ADAM22: variants seen among roughly 807,000 people sequenced by gnomAD.
ADAM22 encodes ADAM metallopeptidase domain 22.
ADAM22 carries 65 observed loss-of-function variants against 144.6 expected under a neutral mutation model. The observed-to-expected ratio is 0.45, with a 90% CI of 0.37 to 0.55. The LOEUF (loss-of-function observed/expected upper bound fraction) is 0.55, where lower values mean the gene tolerates loss of function less well. Among genes scored for constraint, ADAM22 ranks in the 20% least tolerant of loss-of-function variants. The pLI, the probability that ADAM22 is intolerant of heterozygous loss-of-function variation, is 0.00. For synonymous variants in ADAM22, 391 were observed against 412.6 expected (o/e 0.95, Z 0.63); for missense variants, 974 against 1,184.9 (o/e 0.82, Z 2.61).
chr7:88,042,230 TAAGA>T (rs1803329595), intron 3 of ADAM22, among the ~76,000 whole-genome samples: 1 of 152,064 alleles, frequency 6.6e-6, no homozygotes, highest in East Asian at 1.9e-4. Flanking sequence ...TAGTAGGCCA[TAAGA>T]AAGATTCAAG....
intron 23 of ADAM22, among the ~76,000 whole-genome samples, chr7:88,163,954 A>T (rs1842366595): frequency 1.3e-5 from 2 of 152,094 alleles, no homozygotes; most frequent in South Asian, 4.1e-4. Context: ...TCCAGTTAAG[A>T]TAAAGGATCC....
chr7:88,025,720 G>T (rs1470268637), intron 3 of ADAM22, among the ~76,000 whole-genome samples: 1 of 152,010 alleles, frequency 6.6e-6, no homozygotes, highest in East Asian at 1.9e-4. Flanking sequence ...TTTTACATTG[G>T]TCTATTTGTC....
At chr7:88,014,381 T>G (rs1796099906) in intron 3 of ADAM22, among the ~76,000 whole-genome samples, 1 of 152,222 alleles carries the variant, frequency 6.6e-6, no homozygotes, top group Non-Finnish European at 1.5e-5. Context: ...TTTCATATTT[T>G]ATTGCACCAT....
At chr7:88,130,569 C>T (rs1294611658) in intron 10 of ADAM22, 110 bp downstream of exon 10, 1 of 1,045,522 alleles carries the variant, frequency 9.6e-7, no homozygotes, top group Non-Finnish European at 1.4e-6. Context: ...TGCACTTCAG[C>T]CAAGGTGTCT....
At chr7:88,193,529 A>G (rs1289097136) in intron 31 of ADAM22, among the ~76,000 whole-genome samples, 1 of 152,202 alleles carries the variant, frequency 6.6e-6, no homozygotes, top group Non-Finnish European at 1.5e-5. Flanking sequence ...GTATTTTGCT[A>G]TATCACCTTT....
intron 2 of ADAM22, among the ~76,000 whole-genome samples, chr7:87,949,193 G>A (rs1383914424): frequency 1.3e-5 from 2 of 152,122 alleles, no homozygotes; most frequent in African/African-American, 2.4e-5. Context: ...TGGTATGGCC[G>A]GGCTCTCAAG....
At position 88,111,469 on chromosome 7, in the gene ADAM22, A is replaced by T. The variant is rs12668809; in HGVS notation, c.474-3115A>T. 5.5e-3 allele frequency among the ~76,000 whole-genome samples: 842 copies of T among 152,220 alleles called. 10 individuals carry two copies. The highest frequency in any genetic ancestry group is 0.037 in the East Asian group (191 of 5,176). ...TCCCATAAAGAACCTGCAAGGTCAC[A>T]TTTGTTTGGAGTCAAAGGACTAATA... On this transcript the variant is annotated intron_variant, in intron 5 of 31. Coordinates refer to ENST00000413139, the MANE Select transcript of ADAM22 (RefSeq NM_001324418.2).
At chr7:88,174,354 G>A (rs1845106699) in intron 26 of ADAM22, among the ~76,000 whole-genome samples, 1 of 152,112 alleles carries the variant, frequency 6.6e-6, no homozygotes, top group Non-Finnish European at 1.5e-5. Context: ...CCACATATGT[G>A]CAGCATCACT....
At chr7:87,941,487 G>A (rs1379974037) in intron 2 of ADAM22, among the ~76,000 whole-genome samples, 1 of 152,048 alleles carries the variant, frequency 6.6e-6, no homozygotes, top group African/African-American at 2.4e-5. Context: ...AGTATTTTGC[G>A]AGGGTAGCAC....
At position 88,200,312 on chromosome 7, in the gene ADAM22, A is replaced by T. The variant is rs1302502453; in HGVS notation, c.*3821A>T. The T allele has an allele frequency of 6.6e-6, 1 of 152,206 alleles. No individual in the cohort carries two copies. The highest frequency in any genetic ancestry group is 2.4e-5 in the African/African-American group (1 of 41,452). 9.4% of individuals were successfully genotyped at this position (152,206 alleles called of 1,614,324 possible). ...TAAATTCTTATCTAAAGAAAAGATT[A>T]TTTTACTTTATTTTACTTAAAGGAA... is the stretch of plus-strand genomic sequence containing the variant. On this transcript the variant is annotated 3_prime_UTR_variant, in exon 32 of 32. Transcript: ENST00000413139.
intron 4 of ADAM22, among the ~76,000 whole-genome samples, chr7:88,088,277 T>A (rs1377128481): frequency 6.6e-6 from 1 of 152,204 alleles, no homozygotes; most frequent in Admixed American, 6.6e-5. Flanking sequence ...AATAGTTTTC[T>A]GCTTCTGTTC....
intron 15 of ADAM22, 138 bp downstream of exon 15, chr7:88,143,263 A>G (rs937291642): frequency 2.2e-5 from 11 of 501,112 alleles, no homozygotes; most frequent in South Asian, 1.5e-4. Flanking sequence ...TATGCTATAT[A>G]TCTGCATATT....
intron 3 of ADAM22, among the ~76,000 whole-genome samples, chr7:88,063,118 C>T (rs550841426): frequency 2.2e-4 from 33 of 152,124 alleles, no homozygotes; most frequent in African/African-American, 8.0e-4. Context: ...TGCTTGGTGC[C>T]GGATTGTTAC....
At chr7:87,967,807 C>CAAA (rs35787636) in intron 2 of ADAM22, among the ~76,000 whole-genome samples, 28,275 of 60,742 alleles carry the variant, frequency 0.47, 7,444 homozygotes, top group Non-Finnish European at 0.55. Context: ...GACTCTGTCT[C>CAAA]AAAAAAAAAA....
chr7:88,068,802 T>C (rs917431337), intron 3 of ADAM22, among the ~76,000 whole-genome samples: 1 of 152,098 alleles, frequency 6.6e-6, no homozygotes, highest in Non-Finnish European at 1.5e-5. Context: ...CTCCTCCACA[T>C]GGTCTTTTTA....
chr7:87,944,816 G>GTTTTTTTTTTTTTTTTTTTTTTTT (rs11311070), intron 2 of ADAM22, among the ~76,000 whole-genome samples: 2 of 127,024 alleles, frequency 1.6e-5, no homozygotes, highest in African/African-American at 2.9e-5. Context: ...GGAAACTTGT[G>GTTTTTTTTTTTTTTTTTTTTTTTT]TTTTTTTTTT....
intron 4 of ADAM22, among the ~76,000 whole-genome samples, chr7:88,091,949 C>T (rs1819974881): frequency 6.6e-6 from 1 of 151,818 alleles, no homozygotes. Context: ...CTAAAGACTC[C>T]CCCACCCCCC....
At chr7:88,065,060 A>G (rs950784556) in intron 3 of ADAM22, among the ~76,000 whole-genome samples, 4 of 152,130 alleles carry the variant, frequency 2.6e-5, no homozygotes, top group Non-Finnish European at 5.9e-5. Flanking sequence ...TTTTCTTGAG[A>G]AATTTTGTGA....
chr7:88,156,578 A>T (rs562674267), intron 22 of ADAM22, among the ~76,000 whole-genome samples: 1 of 152,158 alleles, frequency 6.6e-6, no homozygotes, highest in Non-Finnish European at 1.5e-5. Flanking sequence ...AATTGGCAGC[A>T]TCATCTACTT....
Sources: gnomAD v4.1 joint callset for allele counts (sites outside exome capture counted in the v4.1 genomes callset) on GRCh38, gnomAD v4.1.1 for gene constraint, MANE v1.5 for transcripts, NCBI Gene and HGNC (gene_info 2026-07-23, HGNC 2026-07-21) for gene names.